The following AOPEP variants were observed in gnomAD, a reference collection of about 807,000 sequenced individuals.
AOPEP encodes aminopeptidase O (putative).
A neutral mutation model predicts 98.1 loss-of-function variants in AOPEP; 77 were observed. The ratio of observed to expected loss-of-function variants is 0.78; its 90% CI spans 0.65 to 0.95. The LOEUF (loss-of-function observed/expected upper bound fraction) is 0.95, where lower values mean the gene tolerates loss of function less well. Among genes scored for constraint, AOPEP ranks in the 40% least tolerant of loss-of-function variants. The pLI is 0.00. For synonymous variants in AOPEP, 346 were observed against 365.3 expected, an observed-to-expected ratio of 0.95 and a Z score of 0.60; for missense variants, 1,024 against 1,024.7, an observed-to-expected ratio of 1.00 and a Z score of 0.01.
At chr9:95,118,726 G>T in the AOPEP span, among the ~76,000 whole-genome samples, 11 of 152,190 alleles carry the variant, frequency 7.2e-5, no homozygotes, top group Non-Finnish European at 1.6e-4. Context: ...ATTAAGCCAC[G>T]TTATTGTGTG....
chr9:95,036,196 ACAGGTGGAATCTTC>A (rs2064804823), intron 13 of AOPEP, among the ~76,000 whole-genome samples: 2 of 152,226 alleles, frequency 1.3e-5, no homozygotes, highest in African/African-American at 4.8e-5. Context: ...AGGCTTGAGG[ACAGGTGGAATCTTC>A]CACTGATCTT....
chr9:95,104,129 G>A, the AOPEP span, among the ~76,000 whole-genome samples: 1 of 152,238 alleles, frequency 6.6e-6, no homozygotes, highest in African/African-American at 2.4e-5. Flanking sequence ...GTCGGCAGAG[G>A]AACTGACAAA....
At chr9:94,933,579 T>C in intron 7 of AOPEP, 1 of 985,346 alleles carries the variant, frequency 1.0e-6, no homozygotes. Context: ...CCTGAATGCC[T>C]CATCCCTTGA....
chr9:95,114,386 G>A, the AOPEP span: 1 of 561,558 alleles, frequency 1.8e-6, no homozygotes, highest in Admixed American at 2.7e-5. Flanking sequence ...CGTTAATGTA[G>A]AAAACATTTC....
intron 10 of AOPEP, 94 bp downstream of exon 10, chr9:94,967,895 T>C: frequency 9.6e-7 from 1 of 1,043,690 alleles, no homozygotes; most frequent in Admixed American, 1.7e-5. Flanking sequence ...CCTAGAAAGC[T>C]CAGTCTTTCT....
rs1426924603 is a variant in AOPEP, at chr9:94,928,563, A to G, written c.1661+32A>G. 15 of 1,439,804 alleles carry G rather than the reference A, an allele frequency of 1.0e-5. No homozygotes were observed. The East Asian group carries it at 3.7e-4, about 36-fold the overall frequency. The allele number at this position is 1,439,804 out of a possible 1,614,324, so 89.2% of individuals were successfully genotyped here. A position where few individuals can be genotyped will look rare whatever the true frequency, so the allele number is the denominator to read the frequency against. ...CTGCATGGTGATCCACAGCCCTCTC[A>G]TTCCCCTCCTTCTTTCCTTCAAGAC... On this transcript the variant is annotated intron_variant, in intron 7 of 16. Transcript: ENST00000375315.
rs1448485671 is a variant in AOPEP at position 94,955,936 on chromosome 9, A to G, written c.1793A>G (p.Lys598Arg). ...KGYFLLRFLAKRLGDETYFSF... is the reference protein window; with the variant it reads ...KGYFLLRFLARRLGDETYFSF... ...TACTTCCTTCTTCGGTTTCTTGCCA[A>G]AAGACTTGGAGATGAAACCTATTTT... is the stretch of plus-strand genomic sequence containing the variant. The change falls in exon 9 of 17, where the codon AAA (lysine) becomes AGA (arginine). Residue 598 changes from lysine (K) to arginine (R), a missense_variant. Around this residue, in one of 3 missense-constraint regions of AOPEP, gnomAD observed 566 missense variants for 551.7 expected, o/e 1.03. Coordinates refer to ENST00000375315, the MANE Select transcript of AOPEP (RefSeq NM_001193329.3). 3.7e-6 allele frequency: 6 copies of G among 1,613,044 alleles called. No homozygotes were observed. The highest frequency in any genetic ancestry group is 2.2e-5 in the East Asian group (1 of 44,862).
intron 5 of AOPEP, among the ~76,000 whole-genome samples, chr9:94,920,580 C>A (rs2053477365): frequency 6.6e-6 from 1 of 152,180 alleles, no homozygotes; most frequent in South Asian, 2.1e-4. Flanking sequence ...ACAAATAAAT[C>A]AAACACCAGC....
intron 5 of AOPEP, among the ~76,000 whole-genome samples, chr9:94,870,510 A>C (rs758282371): frequency 2.6e-5 from 4 of 152,228 alleles, no homozygotes; most frequent in Non-Finnish European, 4.4e-5. Flanking sequence ...GTTTAGACAC[A>C]AAGTTCCCTC....
chr9:94,800,643 TGTGA>T, intron 4 of AOPEP, 110 bp from the exon 5 acceptor site: 1 of 1,094,334 alleles, frequency 9.1e-7, no homozygotes, highest in Non-Finnish European at 1.4e-6. Flanking sequence ...AGTCTTTGCT[TGTGA>T]GTCTGTCTGA....
At chr9:95,059,716 G>T (rs578090322) in intron 13 of AOPEP, among the ~76,000 whole-genome samples, 1 of 152,284 alleles carries the variant, frequency 6.6e-6, no homozygotes, top group African/African-American at 2.4e-5. Context: ...TTCCAGACCT[G>T]TAATTGGGAT....
intron 11 of AOPEP, among the ~76,000 whole-genome samples, chr9:95,000,061 T>C (rs958875964): frequency 2.6e-5 from 4 of 152,180 alleles, no homozygotes; most frequent in African/African-American, 9.7e-5. Flanking sequence ...CTTCCTTTTT[T>C]GAAAATTATG....
chr9:94,835,923 A>G (rs2041544282), intron 5 of AOPEP, among the ~76,000 whole-genome samples: 2 of 152,142 alleles, frequency 1.3e-5, no homozygotes, highest in Non-Finnish European at 2.9e-5. Flanking sequence ...TCTTTGTTCT[A>G]TCCCTATACC....
intron 13 of AOPEP, among the ~76,000 whole-genome samples, chr9:95,052,812 G>A (rs1175581397): frequency 1.3e-5 from 2 of 152,176 alleles, no homozygotes; most frequent in Non-Finnish European, 1.5e-5. Context: ...TGTTAGTATT[G>A]TAAGTAACAG....
At chr9:94,909,042 A>G (rs1239505317) in intron 5 of AOPEP, among the ~76,000 whole-genome samples, 2 of 152,190 alleles carry the variant, frequency 1.3e-5, no homozygotes, top group Non-Finnish European at 2.9e-5. Flanking sequence ...TCCCCATGAC[A>G]TTATGGAATA....
At chr9:94,731,867 G>T (rs1362102942) in intron 1 of AOPEP, among the ~76,000 whole-genome samples, 1 of 115,820 alleles carries the variant, frequency 8.6e-6, no homozygotes, top group Non-Finnish European at 1.6e-5. Flanking sequence ...CATGATCTTT[G>T]CTCACCTCAT....
chr9:95,005,370 T>TCGCG (rs1439471056), intron 12 of AOPEP, 150 bp downstream of exon 12: 2 of 801,978 alleles, frequency 2.5e-6, no homozygotes, highest in African/African-American at 3.7e-5. Flanking sequence ...GTGACGAAGG[T>TCGCG]CGCGGCCCCT....
At chr9:94,809,687 C>G (rs1850042335) in intron 5 of AOPEP, among the ~76,000 whole-genome samples, 1 of 152,128 alleles carries the variant, frequency 6.6e-6, no homozygotes, top group Admixed American at 6.5e-5. Flanking sequence ...GAGCAATTAC[C>G]CAATTCATAT....
chr9:94,894,511 G>A (rs192937090), intron 5 of AOPEP, among the ~76,000 whole-genome samples: 141 of 152,202 alleles, frequency 9.3e-4, no homozygotes, highest in Admixed American at 1.6e-3. Context: ...AATTGATACC[G>A]AATGAATTAT....
Sources: allele counts gnomAD v4.1 joint callset (sites outside exome capture counted in the v4.1 genomes callset), GRCh38; gene constraint gnomAD v4.1.1; regional missense constraint gnomAD v4.1.1; transcripts MANE v1.5; gene names NCBI Gene and HGNC (gene_info 2026-07-23, HGNC 2026-07-21).